The following MACF1 variants were observed in gnomAD, a reference collection of about 807,000 sequenced individuals.
The protein encoded by MACF1 is microtubule actin crosslinking factor 1.
In MACF1, 193 loss-of-function variants were observed where a neutral mutation model predicts 854.8. The ratio of observed to expected loss-of-function variants is 0.23; its 90% CI spans 0.20 to 0.25. MACF1 has a LOEUF of 0.25. Among genes scored for constraint, MACF1 ranks in the 10% least tolerant of loss-of-function variants. The pLI, the probability that MACF1 is intolerant of heterozygous loss-of-function variation, is 1.00. For synonymous variants in MACF1, 3,185 were observed against 3,226.7 expected, an observed-to-expected ratio of 0.99 and a Z score of 0.44; for missense variants, 7,722 against 8,929.1, an observed-to-expected ratio of 0.86 and a Z score of 5.45.
intron 2 of MACF1, among the ~76,000 whole-genome samples, chr1:39,108,079 T>A (rs1241123808): frequency 6.6e-6 from 1 of 151,376 alleles, no homozygotes; most frequent in African/African-American, 2.4e-5. Flanking sequence ...GTGGTGGCAG[T>A]GAGCATGGTC....
At chr1:39,292,681 CATA>C in intron 16 of MACF1, 82 bp from the exon 17 acceptor site, 1 of 923,958 alleles carries the variant, frequency 1.1e-6, no homozygotes, top group Non-Finnish European at 1.6e-6. Context: ...TCTATCTAGA[CATA>C]ATATTTGCAT....
chr1:39,156,510 T>C (rs558466379), intron 2 of MACF1, among the ~76,000 whole-genome samples: 6 of 152,226 alleles, frequency 3.9e-5, no homozygotes, highest in South Asian at 2.1e-4. Context: ...TCCCAGCTAC[T>C]TGGGGGGCTG....
At chr1:39,455,235 T>TA in intron 89 of MACF1, 138 bp downstream of exon 89, 1 of 792,272 alleles carries the variant, frequency 1.3e-6, no homozygotes, top group South Asian at 1.9e-5. Flanking sequence ...AACACATACT[T>TA]ACTTACCTCA....
At chr1:39,114,655 A>G (rs1314900929) in intron 2 of MACF1, among the ~76,000 whole-genome samples, 3 of 152,172 alleles carry the variant, frequency 2.0e-5, no homozygotes, top group Non-Finnish European at 4.4e-5. Flanking sequence ...TCTACCATGA[A>G]CCAGGGAGTA....
At chr1:39,129,152 T>G (rs1484440833) in intron 2 of MACF1, among the ~76,000 whole-genome samples, 5 of 152,180 alleles carry the variant, frequency 3.3e-5, no homozygotes, top group African/African-American at 1.2e-4. Flanking sequence ...GCTGACATCA[T>G]CTTGGCTGCC....
At chr1:39,479,604 C>T (rs376580067) in intron 97 of MACF1, among the ~76,000 whole-genome samples, 194 bp from the exon 98 acceptor site, 3 of 152,312 alleles carry the variant, frequency 2.0e-5, no homozygotes, top group South Asian at 2.1e-4. Context: ...ATACAGTTAA[C>T]ATATCTGCTA....
In MACF1 at chr1:39,168,612, C is replaced by G. The variant is rs185197635; in HGVS notation, c.221-62570C>G. On this transcript the variant is annotated intron_variant, in intron 2 of 93. Coordinates refer to the MACF1 transcript ENST00000361689. ...GCTCCCTGAGAGCTGGGATTACAGG[C>G]GTGAGCCACTGCGCCTGGCTCAAAT... Among the ~76,000 whole-genome samples the G allele has an allele frequency of 3.3e-5, 5 of 152,184 alleles. No homozygotes were observed. In the East Asian group the frequency reaches 9.7e-4, roughly 29 times the overall value.
intron 1 of MACF1, among the ~76,000 whole-genome samples, chr1:39,223,554 T>G (rs1334316272): frequency 1.3e-5 from 2 of 151,886 alleles, no homozygotes; most frequent in Non-Finnish European, 2.9e-5. Context: ...CACTGTCATC[T>G]AGGCAGGAGG....
intron 35 of MACF1, among the ~76,000 whole-genome samples, chr1:39,325,541 T>C (rs1646593971): frequency 6.6e-6 from 1 of 152,212 alleles, no homozygotes; most frequent in Non-Finnish European, 1.5e-5. Context: ...TCTTAAAAGA[T>C]ACAATGGACT....
rs79388602 is a variant in MACF1 at position 39,406,417 on chromosome 1, G to A, written c.15817-15957G>A. Among the ~76,000 whole-genome samples the A allele has an allele frequency of 4.9e-3, 748 of 152,222 alleles. 9 individuals are homozygous for A. The highest frequency in any genetic ancestry group is 0.017 in the African/African-American group (702 of 41,508). On this transcript the variant is annotated intron_variant, in intron 58 of 100. Transcript: ENST00000564288. Reference sequence around the variant, plus strand: ...GTGAGGAAACAGTAAAGGAATTTCTGTTCATGAAGTTTGTGATTCCACATC... The same window carrying A: ...GTGAGGAAACAGTAAAGGAATTTCTATTCATGAAGTTTGTGATTCCACATC...
chr1:39,200,358 C>T (rs1644374234), upstream of MACF1, among the ~76,000 whole-genome samples: 1 of 152,088 alleles, frequency 6.6e-6, no homozygotes, highest in African/African-American at 2.4e-5. Flanking sequence ...TTGATCTCTT[C>T]TCTATGTTTA....
At chr1:39,426,781 G>T (rs573357003) in intron 61 of MACF1, among the ~76,000 whole-genome samples, 1 of 151,920 alleles carries the variant, frequency 6.6e-6, no homozygotes, top group Non-Finnish European at 1.5e-5. Flanking sequence ...TTTTTTTTGG[G>T]GGGGGTGCTT....
chr1:39,452,120 C>A, intron 85 of MACF1, 36 bp from the exon 86 acceptor site: 1 of 1,534,844 alleles, frequency 6.5e-7, no homozygotes, highest in South Asian at 1.2e-5. Flanking sequence ...TCAAAACATT[C>A]CTTGAACAAA....
intron 90 of MACF1, chr1:39,458,788 A>T: frequency 2.0e-6 from 1 of 496,194 alleles, no homozygotes; most frequent in Non-Finnish European, 3.5e-6. Flanking sequence ...TACTAATTTA[A>T]TCAACACAAC....
At chr1:39,438,291 C>G (rs752651794) in intron 71 of MACF1, among the ~76,000 whole-genome samples, 7 of 152,156 alleles carry the variant, frequency 4.6e-5, no homozygotes, top group Non-Finnish European at 8.8e-5. Context: ...AACATAGCTA[C>G]CTTTTGTAAC....
At chr1:39,102,783 A>G (rs1270258950) in intron 2 of MACF1, 4 of 702,530 alleles carry the variant, frequency 5.7e-6, no homozygotes, top group Non-Finnish European at 1.0e-5. Context: ...CATCAGGAGC[A>G]AAAGAAAATC....
At chr1:39,308,689 C>T (rs986866354) in intron 23 of MACF1, among the ~76,000 whole-genome samples, 6 of 150,932 alleles carry the variant, frequency 4.0e-5, no homozygotes, top group African/African-American at 1.5e-4. Flanking sequence ...GAGTTCTGCT[C>T]TTGTTGCCCA....
intron 1 of MACF1, among the ~76,000 whole-genome samples, chr1:39,210,693 T>C (rs1644504311): frequency 6.6e-6 from 1 of 152,112 alleles, no homozygotes; most frequent in Non-Finnish European, 1.5e-5. Context: ...GTCTCTAACT[T>C]TCTGTGATTC....
At chr1:39,103,229 C>G in intron 2 of MACF1, 1 of 345,758 alleles carries the variant, frequency 2.9e-6, no homozygotes, top group Non-Finnish European at 5.6e-6. Context: ...CCCTTTTTGC[C>G]CCTGTTCTTT....
Sources: allele counts gnomAD v4.1 joint callset (sites outside exome capture counted in the v4.1 genomes callset), GRCh38; gene constraint gnomAD v4.1.1; transcripts MANE v1.5; gene names NCBI Gene and HGNC (gene_info 2026-07-23, HGNC 2026-07-21).